Variants in PTPRG observed in about 807,000 individuals in gnomAD.
PTPRG encodes receptor-type tyrosine-protein phosphatase gamma.
In PTPRG, 102 loss-of-function variants were observed where a neutral mutation model predicts 165.3. The observed-to-expected ratio is 0.62, with a 90% CI of 0.53 to 0.73. PTPRG has a LOEUF of 0.73. Among genes scored for constraint, PTPRG ranks in the 30% least tolerant of loss-of-function variants. PTPRG has a pLI of 0.00. For missense variants in PTPRG, 1,866 were observed against 1,861.4 expected, an observed-to-expected ratio of 1.00 and a Z score of -0.05; for synonymous variants, 675 against 669.5, an observed-to-expected ratio of 1.01 and a Z score of -0.13.
chr3:62,210,394 A>C lies in PTPRG; in HGVS notation c.2155+6444A>C, dbSNP rs1700331517. Among the ~76,000 whole-genome samples, 1 of 152,218 alleles carries C rather than the reference A, an allele frequency of 6.6e-6. No individual in the cohort carries two copies. Among genetic ancestry groups the C allele is most frequent in the Non-Finnish European group, 1.5e-5 (1 of 68,040 alleles). On this transcript the variant is annotated intron_variant, in intron 12 of 29. Transcript: ENST00000474889. This position sits in a 1 kb window ranked among gnomAD's most constrained non-coding sequence, Gnocchi z 4.1. ...CACCTTATCATTTCACACCCGTTAG[A>C]ATGGCTTCTATCAAAAATATAGAAA... is the stretch of plus-strand genomic sequence containing the variant.
intron 2 of PTPRG, among the ~76,000 whole-genome samples, chr3:61,758,935 C>T (rs928914644): frequency 3.9e-5 from 6 of 152,100 alleles, no homozygotes; most frequent in Non-Finnish European, 7.4e-5. Flanking sequence ...TTCATTTAAG[C>T]GAAGAAAGTA....
intron 4 of PTPRG, among the ~76,000 whole-genome samples, chr3:62,030,971 G>A (rs922061469): frequency 1.3e-5 from 2 of 152,132 alleles, no homozygotes; most frequent in African/African-American, 4.8e-5. Flanking sequence ...TAAACCAATT[G>A]CACTATTGTA....
intron 6 of PTPRG, among the ~76,000 whole-genome samples, chr3:62,134,117 A>T (rs773936066): frequency 1.1e-4 from 16 of 152,150 alleles, no homozygotes; most frequent in Non-Finnish European, 2.1e-4. Context: ...TAGCATTTCA[A>T]CATAGGAATT....
chr3:61,815,990 G>T (rs1208961450), intron 2 of PTPRG, among the ~76,000 whole-genome samples: 1 of 152,118 alleles, frequency 6.6e-6, no homozygotes, highest in Non-Finnish European at 1.5e-5. Context: ...ATTACTACAA[G>T]TGAAGATCTC....
intron 4 of PTPRG, among the ~76,000 whole-genome samples, chr3:62,022,431 CAT>C (rs1271619745): frequency 1.3e-5 from 2 of 152,136 alleles, no homozygotes; most frequent in East Asian, 3.9e-4. Flanking sequence ...GACTGGCAGA[CAT>C]AATGCTTGTC....
chr3:61,880,068 C>G (rs1289493066), intron 2 of PTPRG, among the ~76,000 whole-genome samples: 2 of 152,184 alleles, frequency 1.3e-5, no homozygotes, highest in Non-Finnish European at 2.9e-5. Flanking sequence ...CATGAGACAG[C>G]ACCACTAGTT....
chr3:61,819,604 T>G (rs1390267050), intron 2 of PTPRG, among the ~76,000 whole-genome samples: 1 of 152,126 alleles, frequency 6.6e-6, no homozygotes, highest in Non-Finnish European at 1.5e-5. Flanking sequence ...TATAAGGTAG[T>G]TCTGCCAACA....
At chr3:61,753,584 G>GATTT (rs780560728) in intron 2 of PTPRG, 1 of 350,944 alleles carries the variant, frequency 2.8e-6, no homozygotes, top group Non-Finnish European at 5.4e-6. Flanking sequence ...GAAATTTGAG[G>GATTT]GTTTTTTTTT....
chr3:61,661,220 A>C (rs1290546317), intron 1 of PTPRG, among the ~76,000 whole-genome samples: 4 of 152,062 alleles, frequency 2.6e-5, no homozygotes, highest in Non-Finnish European at 5.9e-5. Flanking sequence ...CTACAAGTGC[A>C]TGCCACTAGC....
At chr3:61,658,380 G>A (rs992107091) in intron 1 of PTPRG, among the ~76,000 whole-genome samples, 5 of 152,188 alleles carry the variant, frequency 3.3e-5, no homozygotes, top group African/African-American at 4.8e-5. Flanking sequence ...GCAACGTGGA[G>A]TCACAGTGGA....
chr3:61,676,404 C>T (rs1703220206), intron 1 of PTPRG, among the ~76,000 whole-genome samples: 1 of 130,278 alleles, frequency 7.7e-6, no homozygotes, highest in South Asian at 2.5e-4. Flanking sequence ...TTGCAGTGAG[C>T]TGAGATTGCA....
At chr3:61,754,906 C>G (rs2033580808) in intron 2 of PTPRG, among the ~76,000 whole-genome samples, 1 of 152,108 alleles carries the variant, frequency 6.6e-6, no homozygotes, top group South Asian at 2.1e-4. Context: ...TTATTTGCCT[C>G]TCTCCTAAAG....
At chr3:62,058,394 C>T (rs772897858) in intron 4 of PTPRG, among the ~76,000 whole-genome samples, 13 of 152,048 alleles carry the variant, frequency 8.5e-5, no homozygotes, top group South Asian at 8.3e-4. Flanking sequence ...TTGTCTGAAA[C>T]GCCTAACCTC....
intron 1 of PTPRG, among the ~76,000 whole-genome samples, chr3:61,658,284 T>A (rs1038004868): frequency 1.3e-4 from 20 of 152,060 alleles, no homozygotes; most frequent in Admixed American, 1.0e-3. Context: ...AGCTGGACAT[T>A]ATGAATTCAG....
chr3:61,681,594 C>T (rs1241360701), intron 1 of PTPRG, among the ~76,000 whole-genome samples: 1 of 152,154 alleles, frequency 6.6e-6, no homozygotes, highest in Non-Finnish European at 1.5e-5. Context: ...GCTTCATTCT[C>T]TGGGGTAGTT....
chr3:62,211,337 A>G (rs1000221256), intron 12 of PTPRG, among the ~76,000 whole-genome samples: 3 of 152,196 alleles, frequency 2.0e-5, no homozygotes, highest in African/African-American at 7.2e-5. Context: ...TGGTTGCCAG[A>G]GGCTGATGAA....
intron 2 of PTPRG, among the ~76,000 whole-genome samples, chr3:61,841,132 C>G (rs2036620176): frequency 6.6e-6 from 1 of 152,074 alleles, no homozygotes; most frequent in Non-Finnish European, 1.5e-5. Flanking sequence ...ATTATCTTAC[C>G]AACTTTAACA....
At chr3:61,696,462 A>G (rs1463841546) in intron 1 of PTPRG, among the ~76,000 whole-genome samples, 1 of 152,184 alleles carries the variant, frequency 6.6e-6, no homozygotes, top group African/African-American at 2.4e-5. Context: ...AGATCACACC[A>G]TTGCACTCCA....
Position 62,265,849 on chromosome 3 carries a change from C to CAT in PTPRG, c.2657-1560_2657-1559insTA, listed in dbSNP as rs758851688. ...TGCCTTATATATACATACATACATA[C>CAT]ACACACACACACACACACACACACA... On this transcript the variant is annotated intron_variant, in intron 17 of 29. Transcript: ENST00000474889. Among the ~76,000 whole-genome samples the CAT allele has an allele frequency of 4.9e-4, 52 of 107,212 alleles. No individual in the cohort carries two copies. In the East Asian group the frequency reaches 0.016, roughly 34 times the overall value. The allele number at this position is 107,212 out of a possible 152,430, so 70.3% of individuals were successfully genotyped here.
Sources: gnomAD v4.1 joint callset for allele counts (sites outside exome capture counted in the v4.1 genomes callset) on GRCh38, gnomAD v4.1.1 for gene constraint, Gnocchi (gnomAD v3.1) non-coding constraint, MANE v1.5 for transcripts, NCBI Gene and HGNC (gene_info 2026-07-23, HGNC 2026-07-21) for gene names.